The following TOP1MT variants were observed in gnomAD, a reference collection of about 807,000 sequenced individuals.
TOP1MT encodes DNA topoisomerase I mitochondrial, also known as DNA topoisomerase I, mitochondrial.
Under a neutral mutation model 73.9 loss-of-function variants are expected in TOP1MT, and 80 were observed. The ratio of observed to expected loss-of-function variants is 1.08; its 90% CI spans 0.90 to 1.30. TOP1MT has a LOEUF of 1.30. Among genes scored for constraint, TOP1MT ranks in the 50% most tolerant of loss-of-function variants. The pLI is 0.00. For missense variants in TOP1MT, 815 were observed against 808.0 expected (o/e 1.01, Z -0.10); for synonymous variants, 338 against 326.4 (o/e 1.04, Z -0.38).
At chr8:143,315,192 A>T (rs1816122801) in intron 12 of TOP1MT, among the ~76,000 whole-genome samples, 2 of 152,114 alleles carry the variant, frequency 1.3e-5, no homozygotes, top group Admixed American at 1.3e-4. Flanking sequence ...GCCCGCAGTT[A>T]TCCGGAGGCC....
chr8:143,336,862 C>G (rs1004953625), upstream of TOP1MT, among the ~76,000 whole-genome samples: 28 of 151,992 alleles, frequency 1.8e-4, no homozygotes, highest in African/African-American at 6.8e-4. Context: ...ACTAGTAGAG[C>G]TAATAGATGA....
rs1816126556 is a variant in TOP1MT, at chr8:143,315,307, T to C, written c.1553+420A>G. ...TGCCTTCTAGATAGCAGTAGAAAAT[T>C]AGTGAAAGTACTAAAAGTCTCTGAT... On this transcript the variant is annotated intron_variant, in intron 12 of 13. Transcript: ENST00000329245. 2.0e-5 allele frequency among the ~76,000 whole-genome samples: 3 copies of C among 152,130 alleles called. No homozygotes were observed. In the South Asian group the frequency reaches 6.2e-4, roughly 32 times the overall value.
chr8:143,323,899 C>G, intron 7 of TOP1MT, 100 bp downstream of exon 7: 1 of 1,400,842 alleles, frequency 7.1e-7, no homozygotes, highest in Non-Finnish European at 9.9e-7. Flanking sequence ...AGGTTCCACC[C>G]CACACACAGG....
chr8:143,334,138 G>A (rs1184972146), intron 1 of TOP1MT: 1 of 136,006 alleles, frequency 7.4e-6, no homozygotes, highest in Non-Finnish European at 1.5e-5. Context: ...CAGCTCTTCG[G>A]AAACTCCAGC....
intron 13 of TOP1MT, 140 bp downstream of exon 13, chr8:143,309,928 G>A (rs1339488038): frequency 2.5e-6 from 4 of 1,593,458 alleles, no homozygotes; most frequent in African/African-American, 1.3e-5. Flanking sequence ...TCAGCATCAT[G>A]GGTCCCTGTC....
intron 10 of TOP1MT, 66 bp downstream of exon 10, chr8:143,317,657 G>A: frequency 6.9e-7 from 1 of 1,439,456 alleles, no homozygotes; most frequent in Non-Finnish European, 9.6e-7. Context: ...GGGCCAGCCG[G>A]GGAGCCCGGT....
chr8:143,330,453 G>T (rs893521385), intron 2 of TOP1MT, among the ~76,000 whole-genome samples: 1 of 152,128 alleles, frequency 6.6e-6, no homozygotes, highest in Admixed American at 6.5e-5. Context: ...TGTCCCTGTG[G>T]AAGCTCCAGT....
At chr8:143,317,700 G>A in intron 10 of TOP1MT, 23 bp downstream of exon 10, 1 of 1,604,442 alleles carries the variant, frequency 6.2e-7, no homozygotes, top group Admixed American at 1.7e-5. Flanking sequence ...CCCGCGCTGA[G>A]TGTGGGTGTG....
At chr8:143,321,650 G>GCACGCCACGCAC in intron 7 of TOP1MT, among the ~76,000 whole-genome samples, 1 of 41,778 alleles carries the variant, frequency 2.4e-5, no homozygotes, top group Non-Finnish European at 4.2e-5. Context: ...GCCACACACA[G>GCACGCCACGCAC]GCACGCCACA....
chr8:143,315,935 A>G (rs1586750408), intron 11 of TOP1MT, 64 bp downstream of exon 11: 1 of 1,610,370 alleles, frequency 6.2e-7, no homozygotes, highest in East Asian at 2.2e-5. Flanking sequence ...GCCTGTGCCG[A>G]GGCTCTGGGG....
At position 143,342,697 on chromosome 8, in the gene TOP1MT, GAGACAGAGTCTCGCTGTTA is replaced by G. The variant is rs1458763728; in HGVS notation, c.29+504_29+522del. Among the ~76,000 whole-genome samples the G allele has an allele frequency of 6.9e-3, 764 of 109,988 alleles. 3 individuals carry two copies. Among genetic ancestry groups the G allele is most frequent in the Non-Finnish European group, 0.01 (543 of 53,596 alleles). 72.2% of individuals were successfully genotyped at this position (109,988 alleles called of 152,430 possible). A position where few individuals can be genotyped will look rare whatever the true frequency, so the allele number is the denominator to read the frequency against. On this transcript the variant is annotated intron_variant, in intron 2 of 5. Coordinates refer to the TOP1MT transcript ENST00000518007. ...CGCTCTATTATTATTATTATTATTA[GAGACAGAGTCTCGCTGTTA>G]TTATTATTATTAGAGACAGAGTCTC...
upstream of TOP1MT, among the ~76,000 whole-genome samples, chr8:143,335,709 G>A (rs1234407666): frequency 6.6e-6 from 1 of 152,274 alleles, no homozygotes; most frequent in Non-Finnish European, 1.5e-5. Context: ...ACCGTGGGAA[G>A]CAGATGAATT....
intron 2 of TOP1MT, among the ~76,000 whole-genome samples, chr8:143,342,733 CAGAGTCTCGCTCTGT>C (rs1563771922): frequency 6.8e-4 from 64 of 93,916 alleles, no homozygotes; most frequent in Middle Eastern, 5.7e-3. Context: ...TTATTAGAGA[CAGAGTCTCGCTCTGT>C]TATTATTATT....
At chr8:143,316,161 G>C (rs201251462) in intron 10 of TOP1MT, 35 bp from the exon 11 acceptor site, 4 of 1,613,398 alleles carry the variant, frequency 2.5e-6, no homozygotes, top group Admixed American at 1.7e-5. Flanking sequence ...CAGCACCCAC[G>C]GGGCCGGCCA....
chr8:143,321,497 CACGCCACA>C, intron 7 of TOP1MT, 111 bp from the exon 8 acceptor site: 1 of 725,636 alleles, frequency 1.4e-6, no homozygotes, highest in Non-Finnish European at 2.1e-6. Context: ...GCCACACACG[CACGCCACA>C]CACACGCACT....
At chr8:143,321,790 C>CAG (rs1195351175) in intron 7 of TOP1MT, among the ~76,000 whole-genome samples, 5 of 80,750 alleles carry the variant, frequency 6.2e-5, no homozygotes, top group Non-Finnish European at 7.7e-5. Flanking sequence ...ACGCCACACA[C>CAG]GCACGCCACA....
upstream of TOP1MT, among the ~76,000 whole-genome samples, chr8:143,348,609 G>T (rs866607700): frequency 1.3e-5 from 2 of 152,114 alleles, no homozygotes; most frequent in Non-Finnish European, 2.9e-5. This position sits in a 1 kb window ranked among gnomAD's most constrained non-coding sequence, Gnocchi z 4.6. Flanking sequence ...TGGGGGGTGG[G>T]GGGGGGTGGG....
intron 1 of TOP1MT, chr8:143,332,758 C>T (rs531679975): frequency 5.5e-5 from 21 of 383,762 alleles, no homozygotes; most frequent in Non-Finnish European, 8.6e-5. Flanking sequence ...TGGAGCCGGG[C>T]GTGGTGGCTC....
chr8:143,326,400 C>A, intron 3 of TOP1MT, 56 bp from the exon 4 acceptor site: 5 of 1,604,052 alleles, frequency 3.1e-6, no homozygotes, highest in Non-Finnish European at 4.3e-6. Flanking sequence ...ACATGCAGAG[C>A]GCTCTCGCCA....
Sources: gnomAD v4.1 joint callset for allele counts (sites outside exome capture counted in the v4.1 genomes callset) on GRCh38, gnomAD v4.1.1 for gene constraint, Gnocchi (gnomAD v3.1) non-coding constraint, MANE v1.5 for transcripts, NCBI Gene and HGNC (gene_info 2026-07-23, HGNC 2026-07-21) for gene names.